Variants in NT5C3A observed in about 807,000 individuals in gnomAD.
NT5C3A encodes the protein 5'-nucleotidase, cytosolic IIIA.
Under a neutral mutation model 40.0 loss-of-function variants are expected in NT5C3A, and 23 were observed. The observed-to-expected ratio is 0.58, with a 90% CI of 0.41 to 0.81. The LOEUF (loss-of-function observed/expected upper bound fraction) is 0.81, where lower values mean the gene tolerates loss of function less well. NT5C3A is among the 40% of genes least tolerant of loss of function. NT5C3A has a pLI of 0.00. For synonymous variants in NT5C3A, 130 were observed against 141.4 expected, an observed-to-expected ratio of 0.92 and a Z score of 0.57; for missense variants, 328 against 403.0, an observed-to-expected ratio of 0.81 and a Z score of 1.59.
intron 1 of NT5C3A, among the ~76,000 whole-genome samples, chr7:33,058,826 C>T (rs10951372): frequency 0.73 from 110,307 of 152,130 alleles, 40,263 homozygotes; most frequent in African/African-American, 0.79. Context: ...GCCAACCATT[C>T]GAAAAACAAA....
rs1219193503 is a variant in NT5C3A at position 33,017,629 on chromosome 7, AT to A, written c.531-29del. ...GTAAGATGGAGATAACAAACTGGTT[AT>A]TAAAGAGCAAGATATAGTTCCTTTT... On this transcript the variant is annotated intron_variant, in intron 6 of 8. Transcript: ENST00000610140. 2.6e-6 allele frequency: 4 copies of A among 1,563,694 alleles called. No individual in the cohort carries two copies. The Admixed American group carries it at 6.7e-5, about 26-fold the overall frequency.
chr7:33,017,742 T>A, intron 6 of NT5C3A, 141 bp from the exon 7 acceptor site: 1 of 724,172 alleles, frequency 1.4e-6, no homozygotes, highest in South Asian at 1.5e-5. Flanking sequence ...AAGAGGGCTG[T>A]TATTGATATC....
rs550213269 is a variant in NT5C3A, at chr7:33,055,140, T to C, written c.138+7428A>G. ...AGGAGTTCAAGACCAGCCTGGCAAA[T>C]ATGGAGAAACCTCATCTCTCCTAAA... On this transcript the variant is annotated intron_variant, in intron 1 of 8. Coordinates refer to ENST00000610140, the MANE Select transcript of NT5C3A (RefSeq NM_001002010.5). Among the ~76,000 whole-genome samples the C allele has an allele frequency of 2.0e-5, 3 of 151,940 alleles. No homozygotes were observed. In the East Asian group the frequency reaches 5.8e-4, roughly 30 times the overall value.
intron 2 of NT5C3A, among the ~76,000 whole-genome samples, chr7:33,024,439 AAATAAGACAGGCAC>A (rs70989922): frequency 0.72 from 110,036 of 151,936 alleles, 40,120 homozygotes; most frequent in African/African-American, 0.79. Context: ...ATCTTAAGTG[AAATAAGACAGGCAC>A]AGAAAGACAA....
intron 1 of NT5C3A, among the ~76,000 whole-genome samples, chr7:33,040,211 C>T (rs925921952): frequency 2.6e-5 from 4 of 151,926 alleles, no homozygotes; most frequent in African/African-American, 9.7e-5. Context: ...CATGATCTAA[C>T]TTCTCTGATT....
At position 33,021,262 on chromosome 7, in the gene NT5C3A, A is replaced by C; in HGVS notation, c.440+10T>G. The C allele has an allele frequency of 1.2e-6, 2 of 1,612,156 alleles. No homozygotes were observed. The highest frequency in any genetic ancestry group is 1.7e-6 in the Non-Finnish European group (2 of 1,178,780). The stretch of plus-strand genomic sequence containing the variant: ...TTTTTTAATCCTCCTACTGCCTAAT[A>C]TACACTTACCATTCCACCATATAAG... On this transcript the variant is annotated intron_variant, in intron 5 of 8. Transcript: ENST00000610140.
intron 1 of NT5C3A, among the ~76,000 whole-genome samples, chr7:33,053,155 G>T (rs1393042352): frequency 6.6e-6 from 1 of 152,132 alleles, no homozygotes; most frequent in East Asian, 1.9e-4. Context: ...GATGTAATGA[G>T]CCTGGGCAAC....
At chr7:33,052,365 AC>A (rs1417320348) in intron 1 of NT5C3A, among the ~76,000 whole-genome samples, 1 of 107,192 alleles carries the variant, frequency 9.3e-6, no homozygotes, top group African/African-American at 3.6e-5. Context: ...TGCCTGTAAT[AC>A]CAACTACTCA....
chr7:33,017,235 G>A lies in NT5C3A; in HGVS notation c.693+204C>T, dbSNP rs1162686628. 5 of 563,144 alleles carry A rather than the reference G, an allele frequency of 8.9e-6. No individual in the cohort carries two copies. The African/African-American group carries it at 9.5e-5, about 11-fold the overall frequency. 34.9% of individuals were successfully genotyped at this position (563,144 alleles called of 1,614,324 possible). Reference sequence around the variant, plus strand: ...TTACTACTTTTATTATTAGTCTATAGCTTGGGGAATGAAAGTTTAAGAAGG... The same window carrying A: ...TTACTACTTTTATTATTAGTCTATAACTTGGGGAATGAAAGTTTAAGAAGG... On this transcript the variant is annotated intron_variant, in intron 7 of 8. Coordinates refer to ENST00000610140, the MANE Select transcript of NT5C3A (RefSeq NM_001002010.5).
chr7:33,058,161 G>T (rs1366647177), intron 1 of NT5C3A, among the ~76,000 whole-genome samples: 1 of 151,870 alleles, frequency 6.6e-6, no homozygotes, highest in Admixed American at 6.6e-5. Flanking sequence ...AAAAGAAGTC[G>T]GTATGTAACA....
At chr7:33,035,729 G>A (rs181610909) in intron 1 of NT5C3A, among the ~76,000 whole-genome samples, 3 of 152,288 alleles carry the variant, frequency 2.0e-5, no homozygotes, top group Admixed American at 6.5e-5. Flanking sequence ...TGAGAAGCAC[G>A]ACAATGTGCA....
chr7:33,023,844 A>C (rs1183583355), intron 3 of NT5C3A, 195 bp downstream of exon 3: 3 of 570,740 alleles, frequency 5.3e-6, no homozygotes, highest in Admixed American at 3.0e-5. Flanking sequence ...TTGCTACCAA[A>C]ACCATACATG....
chr7:33,017,630 T>C (rs1198777777), intron 6 of NT5C3A, 29 bp from the exon 7 acceptor site: 2 of 1,564,138 alleles, frequency 1.3e-6, no homozygotes, highest in African/African-American at 1.4e-5. Context: ...AAACTGGTTA[T>C]TAAAGAGCAA....
At chr7:33,041,604 ATTTT>A (rs1786915544) in intron 1 of NT5C3A, among the ~76,000 whole-genome samples, 1 of 152,188 alleles carries the variant, frequency 6.6e-6, no homozygotes, top group Non-Finnish European at 1.5e-5. Context: ...ATTTAAAGTA[ATTTT>A]TATATTTTCT....
rs1243064204 is a variant in NT5C3A, at chr7:33,062,679, C to T, written c.27G>A (p.Val9=). 6.3e-7 allele frequency: 1 copy of T among 1,575,430 alleles called. No individual in the cohort carries two copies. Among genetic ancestry groups the T allele is most frequent in the South Asian group, 1.2e-5 (1 of 86,892 alleles). ...ACACGCTGGCGCTCGCTACCGCGCC[C>T]ACCCTCGCCACGGCCGCGCGGTCCA... MDRAAVAR[V]GAVASASVCA... Residue 9 remains valine, a synonymous_variant, in exon 1 of 9, where the codon GTG becomes GTA. Coordinates refer to ENST00000610140, the MANE Select transcript of NT5C3A (RefSeq NM_001002010.5).
At chr7:33,058,161 G>A (rs1366647177) in intron 1 of NT5C3A, among the ~76,000 whole-genome samples, 1 of 151,870 alleles carries the variant, frequency 6.6e-6, no homozygotes, top group Non-Finnish European at 1.5e-5. Context: ...AAAAGAAGTC[G>A]GTATGTAACA....
chr7:33,020,578 C>A (rs1785569802), intron 5 of NT5C3A, among the ~76,000 whole-genome samples: 2 of 152,172 alleles, frequency 1.3e-5, no homozygotes, highest in Non-Finnish European at 2.9e-5. Context: ...ACCACAAATA[C>A]AGATGAAGTA....
chr7:33,032,927 A>C (rs932518907), intron 1 of NT5C3A, among the ~76,000 whole-genome samples: 1 of 149,686 alleles, frequency 6.7e-6, no homozygotes, highest in Non-Finnish European at 1.5e-5. Context: ...GTATTTTTTT[A>C]ATTTTTGTAG....
chr7:33,054,301 C>A (rs1242860727), intron 1 of NT5C3A, among the ~76,000 whole-genome samples: 9 of 151,674 alleles, frequency 5.9e-5, no homozygotes, highest in Non-Finnish European at 1.3e-4. Flanking sequence ...CTGCAGTGAG[C>A]CATGATGGTG....
Sources: gnomAD v4.1 joint callset for allele counts (sites outside exome capture counted in the v4.1 genomes callset) on GRCh38, gnomAD v4.1.1 for gene constraint, MANE v1.5 for transcripts, NCBI Gene and HGNC (gene_info 2026-07-23, HGNC 2026-07-21) for gene names.